The following ZDHHC19 variants were observed in gnomAD, a reference collection of about 807,000 sequenced individuals.
ZDHHC19 encodes zDHHC palmitoyltransferase 19.
In ZDHHC19, 30 loss-of-function variants were observed where a neutral mutation model predicts 33.9. The observed-to-expected ratio is 0.88, with a 90% CI of 0.66 to 1.20. ZDHHC19 has a LOEUF of 1.20. Among genes scored for constraint, ZDHHC19 ranks in the 50% most tolerant of loss-of-function variants. The pLI is 0.00. For missense variants in ZDHHC19, 364 were observed against 401.1 expected (o/e 0.91, Z 0.79); for synonymous variants, 178 against 167.6 (o/e 1.06, Z -0.48).
chr3:196,198,821 C>G lies in ZDHHC19; in HGVS notation c.741G>C (p.Trp247Cys). 6.2e-7 allele frequency: 1 copy of G among 1,614,116 alleles called. No homozygotes were observed. Residue 247 changes from tryptophan to cysteine, a missense_variant, in exon 6 of 8, where the codon TGG becomes TGC. Trp to Cys is a radical substitution (Grantham distance 215). Coordinates refer to ENST00000296326, the MANE Select transcript of ZDHHC19 (RefSeq NM_001039617.2). ...NPFDQGCASN[W>C]YLTICAPLGP... ...CCAGTGGTGCACAAATTGTTAAATA[C>G]CAGTTGCTGGCACAGCCCTGGTCGA... is the stretch of plus-strand genomic sequence containing the variant.
rs764826599 is a variant in ZDHHC19 at position 196,208,394 on chromosome 3, GC to G, written c.574del (p.Ala192ProfsTer22). On this transcript the variant is annotated frameshift_variant, in exon 4 of 8. Coordinates refer to ENST00000296326, the MANE Select transcript of ZDHHC19 (RefSeq NM_001039617.2). LOFTEE classifies it high-confidence loss of function. ...TTHLPFSTDK[A>X]IAIVVAVSAA... is the part of the protein sequence containing the mutation. ...TCCCCACGTGGGCGGATACGCGATG[GC>G]CTTGTCGGTGGAGAAGGGCAGGTGG... 6.2e-7 allele frequency: 1 copy of G among 1,613,868 alleles called. No individual in the cohort carries two copies. Among genetic ancestry groups the G allele is most frequent in the Non-Finnish European group, 8.5e-7 (1 of 1,179,984 alleles).
At chr3:196,207,204 C>G (rs1002126870) in intron 5 of ZDHHC19, among the ~76,000 whole-genome samples, 194 bp downstream of exon 5, 10 of 152,218 alleles carry the variant, frequency 6.6e-5, no homozygotes, top group African/African-American at 2.4e-4. Context: ...ACACAGTAGG[C>G]CCCCAGGAAG....
chr3:196,207,270 G>T, intron 5 of ZDHHC19, 128 bp downstream of exon 5: 1 of 766,928 alleles, frequency 1.3e-6, no homozygotes, highest in Non-Finnish European at 2.1e-6. Flanking sequence ...TAAGAGCTGG[G>T]TCTGGAGGGA....
intron 2 of ZDHHC19, among the ~76,000 whole-genome samples, chr3:196,210,402 GGAGA>G (rs1423025391): frequency 1.3e-4 from 18 of 138,842 alleles, no homozygotes; most frequent in Non-Finnish European, 2.0e-4. Flanking sequence ...AAAGAAAGAG[GGAGA>G]GAGAGAGGAA....
chr3:196,207,545 G>T, intron 4 of ZDHHC19, 42 bp from the exon 5 acceptor site: 19 of 1,478,016 alleles, frequency 1.3e-5, no homozygotes, highest in Non-Finnish European at 1.6e-5. Flanking sequence ...CCCCACGCCT[G>T]GCCCCGCCCC....
chr3:196,206,789 C>T (rs117180013), intron 5 of ZDHHC19, among the ~76,000 whole-genome samples: 1,734 of 151,760 alleles, frequency 0.011, 99 homozygotes, highest in Admixed American at 0.094. Flanking sequence ...CACGCCATTC[C>T]CCAGCCTGGA....
Position 196,198,447 on chromosome 3 carries a change from T to C in ZDHHC19, c.778A>G (p.Met260Val), listed in dbSNP as rs770868898. 14 of 1,577,002 alleles carry C rather than the reference T, an allele frequency of 8.9e-6. No homozygotes were observed. Among genetic ancestry groups the C allele is most frequent in the African/African-American group, 4.1e-5 (3 of 73,940 alleles). ...TICAPLGPKY[M>V]AEAVQLQRVV... The stretch of plus-strand genomic sequence containing the variant: ...CTCTGCAGCTGGACAGCTTCAGCCA[T>C]GTACCTGGGGAGCAGCAGGCCAGAT... Residue 260 changes from methionine to valine, a missense_variant, in exon 7 of 8, where the codon ATG becomes GTG. Physicochemically the swap from Met to Val is conservative, Grantham distance 21. Coordinates refer to ENST00000296326, the MANE Select transcript of ZDHHC19 (RefSeq NM_001039617.2).
chr3:196,209,568 GC>G, intron 2 of ZDHHC19, 53 bp from the exon 3 acceptor site: 1 of 1,585,646 alleles, frequency 6.3e-7, no homozygotes, highest in Admixed American at 1.8e-5. Flanking sequence ...TCACCCCGCG[GC>G]GGGGGCAGCT....
At chr3:196,198,938 A>C in intron 5 of ZDHHC19, 64 bp from the exon 6 acceptor site, 3 of 1,541,460 alleles carry the variant, frequency 1.9e-6, no homozygotes, top group Non-Finnish European at 2.7e-6. Context: ...GCCATCGCCC[A>C]GTGGCCCTCC....
chr3:196,209,182 A>C, intron 3 of ZDHHC19, 194 bp downstream of exon 3: 1 of 763,704 alleles, frequency 1.3e-6, no homozygotes. Flanking sequence ...TCTGCAGGCA[A>C]CGGCCAGCCT....
intron 4 of ZDHHC19, 76 bp downstream of exon 4, chr3:196,208,312 C>A: frequency 7.0e-7 from 1 of 1,431,988 alleles, no homozygotes; most frequent in African/African-American, 1.4e-5. Context: ...TAGCCCCGCC[C>A]CCATAGCCCC....
At chr3:196,200,575 C>G (rs1057000616) in intron 5 of ZDHHC19, among the ~76,000 whole-genome samples, 10 of 150,172 alleles carry the variant, frequency 6.7e-5, no homozygotes, top group Admixed American at 4.7e-4. Context: ...AGGATGGTCT[C>G]GATCTCCTGA....
At chr3:196,205,638 T>G (rs774592373) in intron 5 of ZDHHC19, among the ~76,000 whole-genome samples, 18 of 152,166 alleles carry the variant, frequency 1.2e-4, no homozygotes, top group Non-Finnish European at 2.5e-4. Context: ...AGGTAGATTA[T>G]TGCTCAATAA....
rs1350764378 is a variant in ZDHHC19, at chr3:196,203,326, C to T, written c.687+4072G>A. Among the ~76,000 whole-genome samples the T allele has an allele frequency of 1.3e-5, 2 of 152,190 alleles. No homozygotes were observed. Among genetic ancestry groups the T allele is most frequent in the Non-Finnish European group, 2.9e-5 (2 of 68,028 alleles). On this transcript the variant is annotated intron_variant, in intron 5 of 7. Transcript: ENST00000296326. The surrounding 1 kb of genome is among the most constrained non-coding windows in gnomAD (Gnocchi z 4.3). The stretch of plus-strand genomic sequence containing the variant: ...ATTAATAGTAGCGACATCTAGAGCA[C>T]TCACTTGTACCAGCTGCTACTCTAT...
In ZDHHC19 at chr3:196,200,511, C is replaced by T. The variant is rs373675231; in HGVS notation, c.688-1637G>A. 8.1e-3 allele frequency among the ~76,000 whole-genome samples: 1,212 copies of T among 149,974 alleles called. 31 individuals carry two copies. The highest frequency in any genetic ancestry group is 0.028 in the African/African-American group (1,118 of 40,464). On this transcript the variant is annotated intron_variant, in intron 5 of 7. Coordinates refer to ENST00000296326, the MANE Select transcript of ZDHHC19 (RefSeq NM_001039617.2). ...CTGGGATTACAGGTGCTCGCCACCACGCCCAGCTAATTTTTTGTATTTTTA... is the reference window on the plus strand; with the variant it reads ...CTGGGATTACAGGTGCTCGCCACCATGCCCAGCTAATTTTTTGTATTTTTA...
At position 196,207,429 on chromosome 3, in the gene ZDHHC19, A is replaced by G; in HGVS notation, c.656T>C (p.Val219Ala). 6.4e-7 allele frequency: 1 copy of G among 1,571,862 alleles called. No homozygotes were observed. The highest frequency in any genetic ancestry group is 8.6e-7 in the Non-Finnish European group (1 of 1,159,638). Residue 219 changes from valine to alanine, a missense_variant, in exon 5 of 8, where the codon GTG (valine) becomes GCG (alanine). Val to Ala is a moderately conservative substitution (Grantham distance 64, BLOSUM62 0). Transcript: ENST00000296326. ...SLLLLIQALS[V>A]SSADRTYKGK... ...CTTGTAGGTGCGGTCGGCCGAGCTC[A>G]CGGACAGTGCCTGGATCAGCAGCAG... is the stretch of plus-strand genomic sequence containing the variant.
At chr3:196,207,596 C>T (rs1722852336) in intron 4 of ZDHHC19, 93 bp from the exon 5 acceptor site, 7 of 463,326 alleles carry the variant, frequency 1.5e-5, no homozygotes, top group South Asian at 7.4e-5. Flanking sequence ...CGCCCCCGGA[C>T]GCCCGCCCCT....
intron 5 of ZDHHC19, chr3:196,199,331 C>T (rs79868347): frequency 0.039 from 6,749 of 174,498 alleles, 148 homozygotes; most frequent in South Asian, 0.071. Context: ...CGCCACAGGG[C>T]AGGCTGGGCC....
chr3:196,198,161 A>C, intron 7 of ZDHHC19, 115 bp downstream of exon 7: 1 of 1,049,150 alleles, frequency 9.5e-7, no homozygotes, highest in Non-Finnish European at 1.3e-6. Context: ...CCAAGCTCGG[A>C]GCGCTCCAGC....
Sources: gnomAD v4.1 joint callset for allele counts (sites outside exome capture counted in the v4.1 genomes callset) on GRCh38, gnomAD v4.1.1 for gene constraint, Gnocchi (gnomAD v3.1) non-coding constraint, MANE v1.5 for transcripts, NCBI Gene and HGNC (gene_info 2026-07-23, HGNC 2026-07-21) for gene names.